The following LRRK1 variants were observed in gnomAD, a reference collection of about 807,000 sequenced individuals.
LRRK1 encodes the protein leucine rich repeat kinase 1, also known as leucine-rich repeat serine/threonine-protein kinase 1.
Under a neutral mutation model 209.1 loss-of-function variants are expected in LRRK1, and 113 were observed. That is an observed-to-expected ratio of 0.54 (90% CI 0.46 to 0.63). LRRK1 has a LOEUF of 0.63. Among genes scored for constraint, LRRK1 ranks in the 30% least tolerant of loss-of-function variants. LRRK1 has a pLI of 0.00. For synonymous variants in LRRK1, 1,144 were observed against 1,099.7 expected, an observed-to-expected ratio of 1.04 and a Z score of -0.80; for missense variants, 2,284 against 2,632.2, an observed-to-expected ratio of 0.87 and a Z score of 2.89.
rs758324019 is a variant in LRRK1, at chr15:100,934,747, G to C, written c.97+10018G>C. On this transcript the variant is annotated intron_variant, in intron 2 of 33. Coordinates refer to ENST00000388948, the MANE Select transcript of LRRK1 (RefSeq NM_024652.6). ...GAGCCTAGGAGGCAGAGACTGCAGTGAGCAGAGATCACACCACTGCATTTC... is the reference window on the plus strand; with the variant it reads ...GAGCCTAGGAGGCAGAGACTGCAGTCAGCAGAGATCACACCACTGCATTTC... Among the ~76,000 whole-genome samples, 8 of 145,124 alleles carry C rather than the reference G, an allele frequency of 5.5e-5. No homozygotes were observed. The Admixed American group carries it at 5.7e-4, about 10-fold the overall frequency.
Position 101,062,579 on chromosome 15 carries a change from G to GA in LRRK1, c.4807dup (p.Ile1603AsnfsTer35). The GA allele has an allele frequency of 6.2e-7, 1 of 1,612,356 alleles. No homozygotes were observed. The highest frequency in any genetic ancestry group is 8.5e-7 in the Non-Finnish European group (1 of 1,178,384). On this transcript the variant is annotated frameshift_variant, in exon 31 of 34. Coordinates refer to ENST00000388948, the MANE Select transcript of LRRK1 (RefSeq NM_024652.6). LOFTEE classifies it high-confidence loss of function. ...GGACCTGTCTGCCTCTGCAGGACCAGAAAATCTACATCTACACCCTCAAGG... is the reference window on the plus strand; with the variant it reads ...GGACCTGTCTGCCTCTGCAGGACCAGAAAAATCTACATCTACACCCTCAAGG...
In LRRK1 at chr15:101,024,820, C is replaced by T; in HGVS notation, c.2085C>T (p.Phe695=). Residue 695 remains phenylalanine (F), a synonymous_variant, in exon 16 of 34, where the codon TTC becomes TTT. Coordinates refer to ENST00000388948, the MANE Select transcript of LRRK1 (RefSeq NM_024652.6). The surrounding 1 kb of genome is among the most constrained non-coding windows in gnomAD (Gnocchi z 4.6). Reference sequence around the variant, plus strand: ...TCAAGTAGGTTGAGTCCGTGGAGTTCAACGTCTGGGACATCGGGGGACCGG... The same window carrying T: ...TCAAGTAGGTTGAGTCCGTGGAGTTTAACGTCTGGGACATCGGGGGACCGG... The part of the protein sequence containing the change: ...GSRAKVESVE[F]NVWDIGGPAS... The T allele has an allele frequency of 1.2e-6, 2 of 1,613,894 alleles. No homozygotes were observed.
At chr15:100,943,337 A>T (rs1214091078) in intron 2 of LRRK1, among the ~76,000 whole-genome samples, 1 of 152,142 alleles carries the variant, frequency 6.6e-6, no homozygotes, top group Non-Finnish European at 1.5e-5. Flanking sequence ...CTCTTTCTTT[A>T]TCTGTAAGCA....
At chr15:101,056,832 T>G (rs770122706) in intron 27 of LRRK1, 24 bp from the exon 28 acceptor site, 3 of 1,547,438 alleles carry the variant, frequency 1.9e-6, no homozygotes, top group South Asian at 1.2e-5. Context: ...GGCAGCGACC[T>G]GACTTGGCTT....
intron 31 of LRRK1, among the ~76,000 whole-genome samples, chr15:101,063,988 C>T (rs1286913345): frequency 6.6e-6 from 1 of 152,246 alleles, no homozygotes; most frequent in African/African-American, 2.4e-5. Context: ...TCCTGCACGA[C>T]CAGAGGGAAT....
chr15:100,927,917 C>T (rs571600754), intron 2 of LRRK1, among the ~76,000 whole-genome samples: 7 of 152,282 alleles, frequency 4.6e-5, no homozygotes, highest in Non-Finnish European at 4.4e-5. Flanking sequence ...CCAATTTTAA[C>T]GCATTGCATG....
Position 101,066,741 on chromosome 15 carries a change from G to A in LRRK1, c.5870G>A (p.Gly1957Glu). The change falls in exon 33 of 34, where the codon GGG becomes GAG. Residue 1957 changes from glycine (G) to glutamate (E), a missense_variant and splice_region_variant. By Grantham distance (98) the Gly-to-Glu change is moderately conservative. Around this residue, in one of 6 missense-constraint regions of LRRK1, gnomAD observed 643 missense variants for 695.9 expected, o/e 0.92. Coordinates refer to ENST00000388948, the MANE Select transcript of LRRK1 (RefSeq NM_024652.6). ...VLKARELTPH[G>E]VLVDAAVVAK... ...AAAGCCCGAGAGCTGACTCCGCATG[G>A]GTAAGACTGAGTGGCAGCTCCTTTA... The A allele has an allele frequency of 4.3e-6, 7 of 1,612,994 alleles. No individual in the cohort carries two copies. Among genetic ancestry groups the A allele is most frequent in the South Asian group, 1.1e-5 (1 of 91,058 alleles).
chr15:101,009,970 T>G (rs546884193), intron 7 of LRRK1, among the ~76,000 whole-genome samples: 1 of 152,308 alleles, frequency 6.6e-6, no homozygotes, highest in East Asian at 1.9e-4. Context: ...AGGCTCTAAG[T>G]GAAGCAAGAG....
chr15:100,936,875 A>G (rs1200379624), intron 2 of LRRK1, among the ~76,000 whole-genome samples: 2 of 152,238 alleles, frequency 1.3e-5, no homozygotes, highest in African/African-American at 2.4e-5. Context: ...AACAGTTTCC[A>G]TACTAAAAAT....
intron 3 of LRRK1, among the ~76,000 whole-genome samples, chr15:100,979,649 A>G (rs1342733115): frequency 6.6e-6 from 1 of 152,206 alleles, no homozygotes; most frequent in Non-Finnish European, 1.5e-5. Flanking sequence ...AAAAAGCTAC[A>G]GACTGAGAGA....
At position 101,051,514 on chromosome 15, in the gene LRRK1, C is replaced by A. The variant is rs79964099; in HGVS notation, c.3440-197C>A. Among the ~76,000 whole-genome samples the A allele has an allele frequency of 5.0e-3, 758 of 152,336 alleles. 5 individuals carry two copies. The highest frequency in any genetic ancestry group is 0.018 in the African/African-American group (736 of 41,566). On this transcript the variant is annotated intron_variant, in intron 23 of 33. Coordinates refer to ENST00000388948, the MANE Select transcript of LRRK1 (RefSeq NM_024652.6). ...CATCCTGAACCCTCCCTGGACACAT[C>A]TTTCAGGACAAACAATTGCGCTCTC...
intron 32 of LRRK1, 122 bp downstream of exon 32, chr15:101,066,327 C>A: frequency 7.4e-7 from 1 of 1,346,728 alleles, no homozygotes; most frequent in Non-Finnish European, 1.0e-6. Flanking sequence ...TGCTGTTCTT[C>A]CAAGAGGGTT....
intron 3 of LRRK1, among the ~76,000 whole-genome samples, chr15:100,979,510 G>A (rs2031482812): frequency 2.0e-5 from 3 of 152,162 alleles, no homozygotes; most frequent in African/African-American, 4.8e-5. Context: ...CTGTCTCTAT[G>A]TGTGGATCAC....
chr15:100,948,514 A>G (rs1350734364), intron 2 of LRRK1, among the ~76,000 whole-genome samples: 1 of 152,116 alleles, frequency 6.6e-6, no homozygotes, highest in African/African-American at 2.4e-5. Flanking sequence ...CTTTGTCTAT[A>G]CGTTGCAAAT....
In LRRK1 at chr15:101,065,608, G is replaced by C. The variant is rs1222535802; in HGVS notation, c.5171G>C (p.Cys1724Ser). ...ATCGACTGTGCCTCCCTGGAGATCT[G>C]CAGGCGGCTGGAGCCCTACATGGCC... ...LVIDCASLEICRRLEPYMAPS... is the reference protein window; with the variant it reads ...LVIDCASLEISRRLEPYMAPS... Residue 1724 changes from cysteine (C) to serine (S), a missense_variant, in exon 32 of 34, where the codon TGC (cysteine) becomes TCC (serine). By Grantham distance (112) the Cys-to-Ser change is moderately radical. Transcript: ENST00000388948. 1.9e-6 allele frequency: 3 copies of C among 1,614,172 alleles called. No homozygotes were observed. Among genetic ancestry groups the C allele is most frequent in the Non-Finnish European group, 2.5e-6 (3 of 1,180,028 alleles).
chr15:100,968,211 T>G (rs2030600531), intron 2 of LRRK1, among the ~76,000 whole-genome samples: 1 of 152,186 alleles, frequency 6.6e-6, no homozygotes, highest in Non-Finnish European at 1.5e-5. Context: ...TCCTTTTTAT[T>G]GTTGAGTAGT....
chr15:101,050,473 C>T (rs1022930145), intron 23 of LRRK1, among the ~76,000 whole-genome samples: 1 of 151,764 alleles, frequency 6.6e-6, no homozygotes, highest in African/African-American at 2.4e-5. Flanking sequence ...CTGAGAGCTT[C>T]AGCCCTGAAC....
At chr15:100,986,579 G>A (rs11857215) in intron 4 of LRRK1, among the ~76,000 whole-genome samples, 29,289 of 152,220 alleles carry the variant, frequency 0.19, 3,299 homozygotes, top group African/African-American at 0.32. Context: ...CTGAGTCACT[G>A]CCTGGCTCTG....
intron 6 of LRRK1, among the ~76,000 whole-genome samples, chr15:101,005,654 G>A (rs1344533635): frequency 6.6e-6 from 1 of 152,218 alleles, no homozygotes; most frequent in Middle Eastern, 3.2e-3. Context: ...TACAAGAGGA[G>A]ACTGGAAGAT....
Sources: allele counts gnomAD v4.1 joint callset (sites outside exome capture counted in the v4.1 genomes callset), GRCh38; gene constraint gnomAD v4.1.1; regional missense constraint gnomAD v4.1.1; non-coding constraint Gnocchi (gnomAD v3.1); transcripts MANE v1.5; gene names NCBI Gene and HGNC (gene_info 2026-07-23, HGNC 2026-07-21).